The following KIF3B variants were observed in gnomAD, a reference collection of about 807,000 sequenced individuals.
KIF3B encodes the protein kinesin-like protein KIF3B.
Under a neutral mutation model 74.3 loss-of-function variants are expected in KIF3B, and 38 were observed. The observed-to-expected ratio is 0.51, with a 90% CI of 0.39 to 0.67. The LOEUF (loss-of-function observed/expected upper bound fraction) is 0.67. Ranked by LOEUF, KIF3B falls within the 30% of genes least tolerant of loss-of-function variation. The pLI, the probability that KIF3B is intolerant of heterozygous loss-of-function variation, is 0.00. For synonymous variants in KIF3B, 326 were observed against 342.5 expected (o/e 0.95, Z 0.53); for missense variants, 649 against 932.0 (o/e 0.70, Z 3.95).
intron 2 of KIF3B, among the ~76,000 whole-genome samples, chr20:32,313,584 G>A (rs6058639): frequency 5.3e-5 from 8 of 152,236 alleles, no homozygotes; most frequent in African/African-American, 1.9e-4. Context: ...AAATGGAGTC[G>A]TATACAACAC....
chr20:32,305,497 C>CTGAGTT (rs1272352563), intron 1 of KIF3B, among the ~76,000 whole-genome samples: 1 of 151,914 alleles, frequency 6.6e-6, no homozygotes, highest in Non-Finnish European at 1.5e-5. Flanking sequence ...CTTCTGCTCC[C>CTGAGTT]TGAGTTTTCC....
Position 32,302,663 on chromosome 20 carries a change from C to T in KIF3B, c.-65-7050C>T, listed in dbSNP as rs186551910. 2.6e-4 allele frequency among the ~76,000 whole-genome samples: 40 copies of T among 152,302 alleles called. No homozygotes were observed. The Middle Eastern group carries it at 0.014, about 52-fold the overall frequency. ...GCCCTGCCATTCTGTTTCTCTTACT[C>T]TATCAGGTCTAGGATCTTGTCTGGC... On this transcript the variant is annotated intron_variant, in intron 1 of 8. Transcript: ENST00000375712.
chr20:32,321,458 G>A (rs929443311), intron 5 of KIF3B, among the ~76,000 whole-genome samples: 3 of 151,116 alleles, frequency 2.0e-5, no homozygotes, highest in Admixed American at 6.6e-5. Flanking sequence ...TCAGTTGACC[G>A]TAATTAAGCA....
At chr20:32,285,479 C>T (rs555545855) in intron 1 of KIF3B, among the ~76,000 whole-genome samples, 4 of 152,238 alleles carry the variant, frequency 2.6e-5, no homozygotes, top group African/African-American at 2.4e-5. Flanking sequence ...TTCCTTTCAA[C>T]ACCTCCTGTC....
At chr20:32,296,552 T>G (rs930689523) in intron 1 of KIF3B, among the ~76,000 whole-genome samples, 3 of 151,722 alleles carry the variant, frequency 2.0e-5, no homozygotes, top group Non-Finnish European at 2.9e-5. Context: ...GAGCCAAGAT[T>G]GCACCACAGC....
chr20:32,327,186 G>A (rs1490845149), intron 6 of KIF3B, among the ~76,000 whole-genome samples: 1 of 152,020 alleles, frequency 6.6e-6, no homozygotes, highest in Non-Finnish European at 1.5e-5. Flanking sequence ...TCACGTAAGG[G>A]GCAATTCAGA....
intron 6 of KIF3B, among the ~76,000 whole-genome samples, chr20:32,327,277 G>C (rs1172908526): frequency 6.6e-6 from 1 of 152,112 alleles, no homozygotes. Flanking sequence ...TGGAAAGATG[G>C]GAGACACCTG....
At chr20:32,300,882 T>C (rs947638382) in intron 1 of KIF3B, among the ~76,000 whole-genome samples, 1 of 151,886 alleles carries the variant, frequency 6.6e-6, no homozygotes, top group Non-Finnish European at 1.5e-5. Context: ...TATTTTTACT[T>C]TTGGAAACAG....
intron 2 of KIF3B, among the ~76,000 whole-genome samples, chr20:32,315,927 T>TA (rs2047825042): frequency 6.6e-6 from 1 of 152,064 alleles, no homozygotes; most frequent in Admixed American, 6.6e-5. Flanking sequence ...TAATATGTTC[T>TA]AAGTGGGGTT....
At chr20:32,280,843 G>A (rs2047639870) in intron 1 of KIF3B, among the ~76,000 whole-genome samples, 1 of 151,878 alleles carries the variant, frequency 6.6e-6, no homozygotes, top group Non-Finnish European at 1.5e-5. Flanking sequence ...CATGGAGGAT[G>A]TGGAGGTCAA....
chr20:32,282,110 G>T (rs1172235948), intron 1 of KIF3B, among the ~76,000 whole-genome samples: 1 of 152,128 alleles, frequency 6.6e-6, no homozygotes, highest in Non-Finnish European at 1.5e-5. Context: ...AATCACTCTG[G>T]CCTCTTTGTG....
At chr20:32,284,895 C>T (rs1004222784) in intron 1 of KIF3B, among the ~76,000 whole-genome samples, 1 of 152,162 alleles carries the variant, frequency 6.6e-6, no homozygotes, top group African/African-American at 2.4e-5. Flanking sequence ...CACACCAATC[C>T]TGTAACACAG....
At position 32,331,299 on chromosome 20, in the gene KIF3B, C is replaced by T. The variant is rs776982402; in HGVS notation, c.2224C>T (p.Arg742Trp). The change falls in exon 9 of 9, where the codon CGG becomes TGG. Residue 742 changes from arginine to tryptophan, a missense_variant. By Grantham distance (101) the Arg-to-Trp change is moderately radical. Coordinates refer to ENST00000375712, the MANE Select transcript of KIF3B (RefSeq NM_004798.4). ...TGCATCTCAGCTTTATCCACAGTCT[C>T]GGGGGCTGGTTCCAAAGTAAAGCCA... is the stretch of plus-strand genomic sequence containing the variant. Reference protein sequence around the residue: ...TPASQLYPQSRGLVPK With the variant: ...TPASQLYPQSWGLVPK The T allele has an allele frequency of 1.2e-5, 19 of 1,610,668 alleles. No homozygotes were observed. The highest frequency in any genetic ancestry group is 5.1e-5 in the Admixed American group (3 of 58,518).
intron 1 of KIF3B, among the ~76,000 whole-genome samples, chr20:32,281,183 A>T (rs1234862193): frequency 6.6e-6 from 1 of 152,188 alleles, no homozygotes; most frequent in East Asian, 1.9e-4. Flanking sequence ...TTACTCATTT[A>T]ATCTTATCTG....
Position 32,310,028 on chromosome 20 carries a change from T to C in KIF3B, c.251T>C (p.Val84Ala), listed in dbSNP as rs1165136202. Reference protein sequence around the residue: ...DETFRPLVDSVLQGFNGTIFA... With the variant: ...DETFRPLVDSALQGFNGTIFA... ...ACGTTCCGACCACTTGTTGACTCTGTCCTGCAAGGTTTCAATGGAACCATT... is the reference window on the plus strand; with the variant it reads ...ACGTTCCGACCACTTGTTGACTCTGCCCTGCAAGGTTTCAATGGAACCATT... Residue 84 changes from valine (V) to alanine (A), a missense_variant, in exon 2 of 9, where the codon GTC becomes GCC. By Grantham distance (64) the Val-to-Ala change is moderately conservative. This residue lies in a region of KIF3B where 96 missense variants were observed against 119.0 expected (regional missense o/e 0.81). Coordinates refer to ENST00000375712, the MANE Select transcript of KIF3B (RefSeq NM_004798.4). The surrounding 1 kb of genome is among the most constrained non-coding windows in gnomAD (Gnocchi z 6.5). 3 of 1,614,144 alleles carry C rather than the reference T, an allele frequency of 1.9e-6. No individual in the cohort carries two copies. Among genetic ancestry groups the C allele is most frequent in the South Asian group, 1.1e-5 (1 of 91,086 alleles).
intron 1 of KIF3B, among the ~76,000 whole-genome samples, chr20:32,308,121 A>T (rs2122688509): frequency 6.6e-6 from 1 of 152,034 alleles, no homozygotes; most frequent in African/African-American, 2.4e-5. Flanking sequence ...CTGTAGTCCC[A>T]GCTACTTGGG....
intron 1 of KIF3B, among the ~76,000 whole-genome samples, chr20:32,296,489 A>G (rs551053958): frequency 5.9e-5 from 9 of 151,862 alleles, no homozygotes; most frequent in African/African-American, 9.7e-5. Flanking sequence ...CATCCCAGCT[A>G]CTCGGGAGGC....
chr20:32,306,179 G>A (rs1017536258), intron 1 of KIF3B, among the ~76,000 whole-genome samples: 1 of 151,588 alleles, frequency 6.6e-6, no homozygotes, highest in South Asian at 2.1e-4. Flanking sequence ...CCAGTCATGA[G>A]GTCAGGAGAT....
chr20:32,329,239 C>T (rs1405476832), intron 7 of KIF3B, among the ~76,000 whole-genome samples: 1 of 152,188 alleles, frequency 6.6e-6, no homozygotes, highest in African/African-American at 2.4e-5. Flanking sequence ...GACGGGGTTT[C>T]ACCATGTTGG....
Sources: gnomAD v4.1 joint callset for allele counts (sites outside exome capture counted in the v4.1 genomes callset) on GRCh38, gnomAD v4.1.1 for gene constraint, gnomAD v4.1.1 regional missense constraint, Gnocchi (gnomAD v3.1) non-coding constraint, MANE v1.5 for transcripts, NCBI Gene and HGNC (gene_info 2026-07-23, HGNC 2026-07-21) for gene names.